Variants in TENM3 observed in about 807,000 individuals in gnomAD.
The protein encoded by TENM3 is teneurin-3.
Under a neutral mutation model 255.1 loss-of-function variants are expected in TENM3, and 63 were observed. That is an observed-to-expected ratio of 0.25 (90% CI 0.20 to 0.30). The LOEUF is 0.30. TENM3 is among the 10% of genes least tolerant of loss of function. TENM3 has a pLI of 1.00. For missense variants in TENM3, 2,929 were observed against 3,461.1 expected, an observed-to-expected ratio of 0.85 and a Z score of 3.86; for synonymous variants, 1,306 against 1,322.3, an observed-to-expected ratio of 0.99 and a Z score of 0.27.
intron 3 of TENM3, among the ~76,000 whole-genome samples, chr4:182,538,204 A>G (rs1430245408): frequency 6.6e-6 from 1 of 152,214 alleles, no homozygotes; most frequent in African/African-American, 2.4e-5. Flanking sequence ...TTGAAGAAAC[A>G]ATGTTATTAA....
the TENM3 span, among the ~76,000 whole-genome samples, chr4:181,577,231 G>C: frequency 2.9e-5 from 4 of 137,716 alleles, no homozygotes; most frequent in Admixed American, 7.8e-5. Context: ...AGTAGAGATG[G>C]GGTTTCTCCA....
chr4:182,608,639 G>A (rs908780174), intron 4 of TENM3, among the ~76,000 whole-genome samples: 2 of 152,132 alleles, frequency 1.3e-5, no homozygotes, highest in Admixed American at 6.5e-5. Context: ...TGCAGGGTCC[G>A]CGGCGGCGGG....
the TENM3 span, among the ~76,000 whole-genome samples, chr4:181,831,040 C>T: frequency 1.3e-5 from 2 of 152,132 alleles, no homozygotes; most frequent in African/African-American, 4.8e-5. Flanking sequence ...TTCTCTCTTT[C>T]CAACCCCCAA....
the TENM3 span, among the ~76,000 whole-genome samples, chr4:181,785,823 C>T: frequency 1.3e-5 from 2 of 151,656 alleles, no homozygotes. Context: ...CATACACACA[C>T]ACACACACAC....
chr4:182,122,045 C>G, the TENM3 span, among the ~76,000 whole-genome samples: 3 of 152,230 alleles, frequency 2.0e-5, no homozygotes, highest in African/African-American at 7.2e-5. Context: ...GTTTCCCTCT[C>G]AAGAAACCAC....
chr4:181,751,650 A>G, the TENM3 span, among the ~76,000 whole-genome samples: 2 of 152,164 alleles, frequency 1.3e-5, no homozygotes. Flanking sequence ...GGTAGCGGGC[A>G]TGAGCACCAG....
At chr4:182,568,840 C>T (rs1744058984) in intron 3 of TENM3, among the ~76,000 whole-genome samples, 2 of 152,082 alleles carry the variant, frequency 1.3e-5, no homozygotes, top group Non-Finnish European at 2.9e-5. Flanking sequence ...ATGAATGCAC[C>T]TCAAAAACAC....
the TENM3 span, among the ~76,000 whole-genome samples, chr4:181,566,411 A>C: frequency 6.6e-6 from 1 of 152,318 alleles, no homozygotes; most frequent in Non-Finnish European, 1.5e-5. Flanking sequence ...AAAAATCTTT[A>C]TTACTAAGCT....
chr4:182,269,652 T>C (rs947411165), intron 1 of TENM3, among the ~76,000 whole-genome samples: 1 of 152,036 alleles, frequency 6.6e-6, no homozygotes, highest in Admixed American at 6.5e-5. Context: ...GAAAGTAAGA[T>C]TGGAGAGAAC....
the TENM3 span, among the ~76,000 whole-genome samples, chr4:181,988,259 A>G: frequency 6.6e-6 from 1 of 152,178 alleles, no homozygotes; most frequent in East Asian, 1.9e-4. Flanking sequence ...CTGCTGTGCC[A>G]TCATTATCAT....
the TENM3 span, among the ~76,000 whole-genome samples, chr4:181,641,647 A>AATAT: frequency 6.8e-4 from 57 of 83,592 alleles, no homozygotes; most frequent in African/African-American, 2.2e-3. Flanking sequence ...TATAATGGAA[A>AATAT]ATATATATAT....
chr4:181,863,348 G>T, the TENM3 span, among the ~76,000 whole-genome samples: 1 of 152,044 alleles, frequency 6.6e-6, no homozygotes, highest in Non-Finnish European at 1.5e-5. Context: ...TATTAATACT[G>T]ACTACTAAAT....
At chr4:182,723,316 T>C (rs1273428656) in intron 13 of TENM3, among the ~76,000 whole-genome samples, 1 of 151,848 alleles carries the variant, frequency 6.6e-6, no homozygotes, top group Non-Finnish European at 1.5e-5. Context: ...CTAAAAAGAA[T>C]AACAAAAGTT....
At chr4:181,518,706 C>T in the TENM3 span, among the ~76,000 whole-genome samples, 16 of 152,288 alleles carry the variant, frequency 1.1e-4, no homozygotes, top group South Asian at 4.1e-4. Flanking sequence ...GGATTACAGG[C>T]GTGAGCCACC....
At chr4:181,953,196 A>G in the TENM3 span, among the ~76,000 whole-genome samples, 7 of 151,994 alleles carry the variant, frequency 4.6e-5, no homozygotes, top group Non-Finnish European at 5.9e-5. Flanking sequence ...TTAATCCTCA[A>G]TATAACTCCA....
chr4:181,611,554 G>A, the TENM3 span, among the ~76,000 whole-genome samples: 2 of 151,960 alleles, frequency 1.3e-5, no homozygotes, highest in African/African-American at 2.4e-5. Flanking sequence ...AAAATGACTC[G>A]TCTTGTATTA....
At chr4:181,483,384 A>G in the TENM3 span, among the ~76,000 whole-genome samples, 1 of 152,170 alleles carries the variant, frequency 6.6e-6, no homozygotes, top group Non-Finnish European at 1.5e-5. Flanking sequence ...ATCAGAAAGG[A>G]AGGCAGAAAA....
rs755851395 is a variant in TENM3 at position 182,476,949 on chromosome 4, G to A, written c.512-123975G>A. Among the ~76,000 whole-genome samples, 60 of 152,334 alleles carry A rather than the reference G, an allele frequency of 3.9e-4. 1 individual carries two copies. Among genetic ancestry groups the A allele is most frequent in the Middle Eastern group, 6.8e-3 (2 of 294 alleles). ...TTCTAAACCCAATTGAAATGAGTCT[G>A]TGTTCAACACTGTTTATAAGGTTCT... On this transcript the variant is annotated intron_variant, in intron 3 of 27. Coordinates refer to ENST00000511685, the MANE Select transcript of TENM3 (RefSeq NM_001080477.4).
At chr4:181,879,915 AT>A in the TENM3 span, among the ~76,000 whole-genome samples, 24 of 152,298 alleles carry the variant, frequency 1.6e-4, no homozygotes, top group African/African-American at 5.8e-4. Context: ...TTCAGATTGG[AT>A]TTTAAAAATA....
Sources: allele counts gnomAD v4.1 joint callset (sites outside exome capture counted in the v4.1 genomes callset), GRCh38; gene constraint gnomAD v4.1.1; transcripts MANE v1.5; gene names NCBI Gene and HGNC (gene_info 2026-07-23, HGNC 2026-07-21).